SNX25: variants seen among roughly 807,000 people sequenced by gnomAD.
SNX25 encodes sorting nexin-25.
In SNX25, 62 loss-of-function variants were observed where a neutral mutation model predicts 113.7. The ratio of observed to expected loss-of-function variants is 0.55; its 90% confidence interval spans 0.44 to 0.67. The LOEUF is 0.67. Ranked by LOEUF, SNX25 falls within the 30% of genes least tolerant of loss-of-function variation. SNX25 has a pLI of 0.00. For missense variants in SNX25, 1,014 were observed against 1,161.0 expected (o/e 0.87, Z 1.84); for synonymous variants, 421 against 436.2 (o/e 0.97, Z 0.43).
At chr4:185,224,443 A>G (rs1025995730) in intron 1 of SNX25, among the ~76,000 whole-genome samples, 5 of 66,520 alleles carry the variant, frequency 7.5e-5, no homozygotes, top group African/African-American at 3.0e-4. Context: ...ATATAGATAT[A>G]TAAATATATA....
chr4:185,337,653 A>AT (rs1186674230), intron 10 of SNX25, among the ~76,000 whole-genome samples: 1 of 152,066 alleles, frequency 6.6e-6, no homozygotes, highest in East Asian at 1.9e-4. Context: ...TCTGTTTTTA[A>AT]TTTTTTGAGG....
intron 7 of SNX25, among the ~76,000 whole-genome samples, chr4:185,319,159 G>T (rs2095099438): frequency 7.4e-6 from 1 of 134,652 alleles, no homozygotes. Flanking sequence ...AATTATTGGT[G>T]CAGACATTTA....
intron 9 of SNX25, among the ~76,000 whole-genome samples, chr4:185,331,451 T>C (rs2095194429): frequency 6.6e-6 from 1 of 152,204 alleles, no homozygotes; most frequent in Non-Finnish European, 1.5e-5. Context: ...TGAAATTATA[T>C]ATCATTTTAT....
exon 1 of SNX25, chr4:185,204,258 G>A (rs1415292291): frequency 6.6e-6 from 1 of 152,230 alleles, no homozygotes; most frequent in Admixed American, 6.5e-5. Flanking sequence ...TGCCTAGGGC[G>A]GCGCGGGTAG....
In SNX25 at chr4:185,222,466, A is replaced by ATACCCCTCCCTCTCGGTAGGTTTACAGCG. The variant is rs1560902112; in HGVS notation, c.429+12211_429+12212insTACCCCTCCCTCTCGGTAGGTTTACAGCG. On this transcript the variant is annotated intron_variant, in intron 1 of 18. Transcript: ENST00000652585. ...CCCTCCCTCGCGGTAGGTATTCAGC[A>ATACCCCTCCCTCTCGGTAGGTTTACAGCG]CCCTATACCCCTCCCTCTCGGTAGG... 2.2e-5 allele frequency among the ~76,000 whole-genome samples: 3 copies of ATACCCCTCCCTCTCGGTAGGTTTACAGCG among 137,466 alleles called. No homozygotes were observed. The Admixed American group carries it at 2.2e-4, about 10-fold the overall frequency. The allele number at this position is 137,466 out of a possible 152,430, so 90.2% of individuals were successfully genotyped here. A position where few individuals can be genotyped will look rare whatever the true frequency, so the allele number is the denominator to read the frequency against.
the SNX25 span, chr4:185,376,802 C>G: frequency 1.4e-6 from 1 of 727,050 alleles, no homozygotes; most frequent in Non-Finnish European, 2.3e-6. Context: ...TGTAATTGGA[C>G]AGAATTTCCC....
intron 1 of SNX25, among the ~76,000 whole-genome samples, chr4:185,214,660 A>C (rs1276287120): frequency 6.6e-6 from 1 of 152,202 alleles, no homozygotes; most frequent in African/African-American, 2.4e-5. Context: ...TTAATGAAAG[A>C]CTTCAAAGTT....
chr4:185,231,229 G>A (rs899906216), intron 1 of SNX25, among the ~76,000 whole-genome samples: 1 of 151,416 alleles, frequency 6.6e-6, no homozygotes, highest in Admixed American at 6.6e-5. Flanking sequence ...CTCCCGAGTA[G>A]CCGGGACTAC....
chr4:185,307,622 G>C (rs1287299727), intron 6 of SNX25, among the ~76,000 whole-genome samples: 1 of 152,172 alleles, frequency 6.6e-6, no homozygotes, highest in Admixed American at 6.5e-5. Context: ...CTGGCATCCA[G>C]CTATGTCTGC....
At chr4:185,339,932 A>T (rs1423797899) in intron 11 of SNX25, among the ~76,000 whole-genome samples, 2 of 152,212 alleles carry the variant, frequency 1.3e-5, no homozygotes, top group East Asian at 3.8e-4. Flanking sequence ...TTCAATGAAT[A>T]TGTTTTTTGA....
chr4:185,282,342 T>C (rs1750726326), intron 5 of SNX25, among the ~76,000 whole-genome samples: 1 of 152,088 alleles, frequency 6.6e-6, no homozygotes, highest in South Asian at 2.1e-4. Context: ...ATTTATTTAG[T>C]ATTTTTAGTA....
At chr4:185,297,694 G>T (rs1167127902) in intron 6 of SNX25, among the ~76,000 whole-genome samples, 1 of 152,156 alleles carries the variant, frequency 6.6e-6, no homozygotes, top group East Asian at 1.9e-4. Context: ...CCTCTTGCTG[G>T]TTTGCAGATG....
At position 185,334,036 on chromosome 4, in the gene SNX25, C is replaced by CAAAAAAAAAAAAAAAAAAA. The variant is rs34587614; in HGVS notation, c.1914+1295_1914+1296insAAAAAAAAAAAAAAAAAAA. ...TGCACTCCAGACTGGGCAATAGTCT[C>CAAAAAAAAAAAAAAAAAAA]AAAAAAAAAAAAAAAAAAGTGGCTA... On this transcript the variant is annotated intron_variant, in intron 10 of 18. Coordinates refer to ENST00000652585, the MANE Select transcript of SNX25 (RefSeq NM_001378034.2). The surrounding 1 kb of genome is among the most constrained non-coding windows in gnomAD (Gnocchi z 4.2). 9.6e-6 allele frequency among the ~76,000 whole-genome samples: 1 copy of CAAAAAAAAAAAAAAAAAAA among 104,398 alleles called. No individual in the cohort carries two copies. Among genetic ancestry groups the CAAAAAAAAAAAAAAAAAAA allele is most frequent in the African/African-American group, 3.5e-5 (1 of 28,730 alleles). The allele number at this position is 104,398 out of a possible 152,430, so 68.5% of individuals were successfully genotyped here. A position where few individuals can be genotyped will look rare whatever the true frequency, so the allele number is the denominator to read the frequency against.
chr4:185,346,434 T>C (rs2095287104), intron 12 of SNX25, 103 bp from the exon 13 acceptor site: 1 of 777,998 alleles, frequency 1.3e-6, no homozygotes, highest in Non-Finnish European at 2.1e-6. Context: ...GAGGAACAAG[T>C]ACAGGAGGAG....
intron 5 of SNX25, among the ~76,000 whole-genome samples, chr4:185,269,801 C>G (rs1383429242): frequency 2.0e-5 from 3 of 152,130 alleles, no homozygotes; most frequent in South Asian, 2.1e-4. Context: ...GAAACAAACT[C>G]TAAGGCTCAA....
rs186182928 is a variant in SNX25 at position 185,348,616 on chromosome 4, C to G, written c.2301+1966C>G. ...TTCATCATGTTGGACAGGCAGGTCT[C>G]GAACTCCTGACCTCAGGTGACCAAT... On this transcript the variant is annotated intron_variant, in intron 13 of 18. Transcript: ENST00000652585. Among the ~76,000 whole-genome samples the G allele has an allele frequency of 2.9e-3, 446 of 152,194 alleles. 2 individuals carry two copies. Among genetic ancestry groups the G allele is most frequent in the Non-Finnish European group, 5.6e-3 (379 of 68,002 alleles).
At chr4:185,370,864 T>G, downstream of SNX25, 1 of 1,597,724 alleles carries the variant, frequency 6.3e-7, no homozygotes, top group Non-Finnish European at 8.6e-7. Context: ...TTATGGTAAG[T>G]GTTTGTAAAA....
intron 1 of SNX25, among the ~76,000 whole-genome samples, chr4:185,234,265 C>T (rs1356684895): frequency 1.3e-5 from 2 of 152,180 alleles, no homozygotes; most frequent in Admixed American, 6.5e-5. Flanking sequence ...GCAGGTTATT[C>T]ACCAGGAAAC....
intron 6 of SNX25, among the ~76,000 whole-genome samples, chr4:185,289,147 T>C (rs1447541551): frequency 6.6e-6 from 1 of 152,156 alleles, no homozygotes; most frequent in Non-Finnish European, 1.5e-5. Flanking sequence ...AGGAAGCCTG[T>C]GCAAATATGT....
Sources: gnomAD v4.1 joint callset for allele counts (sites outside exome capture counted in the v4.1 genomes callset) on GRCh38, gnomAD v4.1.1 for gene constraint, Gnocchi (gnomAD v3.1) non-coding constraint, MANE v1.5 for transcripts, NCBI Gene and HGNC (gene_info 2026-07-23, HGNC 2026-07-21) for gene names.